RFTN1: variants seen among roughly 807,000 people sequenced by gnomAD.
RFTN1 encodes the protein raftlin.
In RFTN1, 26 loss-of-function variants were observed where a neutral mutation model predicts 46.5. The observed-to-expected ratio is 0.56, with a 90% CI of 0.41 to 0.78. The LOEUF is 0.78. Ranked by LOEUF, RFTN1 falls within the 30% of genes least tolerant of loss-of-function variation. The pLI is 0.00. For synonymous variants in RFTN1, 261 were observed against 284.2 expected, an observed-to-expected ratio of 0.92 and a Z score of 0.82; for missense variants, 693 against 718.7, an observed-to-expected ratio of 0.96 and a Z score of 0.41.
chr3:16,454,735 C>A (rs904423576), intron 2 of RFTN1: 1 of 984,404 alleles, frequency 1.0e-6, no homozygotes, highest in African/African-American at 1.7e-5. Flanking sequence ...AACCTATACA[C>A]CAAGGCCTCC....
Position 16,321,552 on chromosome 3 carries a change from G to A in RFTN1, c.1332+1824C>T, listed in dbSNP as rs939330506. Reference sequence around the variant, plus strand: ...CTGAGGAGTGAGGAGGGGACACCCAGTGCAGAAGATTCTTCCAAGGAGTCT... The same window carrying A: ...CTGAGGAGTGAGGAGGGGACACCCAATGCAGAAGATTCTTCCAAGGAGTCT... On this transcript the variant is annotated intron_variant, in intron 9 of 9. Transcript: ENST00000334133. This position sits in a 1 kb window ranked among gnomAD's most constrained non-coding sequence, Gnocchi z 4.8. Among the ~76,000 whole-genome samples the A allele has an allele frequency of 6.6e-6, 1 of 152,184 alleles. No homozygotes were observed. Among genetic ancestry groups the A allele is most frequent in the African/African-American group, 2.4e-5 (1 of 41,418 alleles).
At chr3:16,390,416 G>A (rs936441799) in intron 4 of RFTN1, among the ~76,000 whole-genome samples, 2 of 152,182 alleles carry the variant, frequency 1.3e-5, no homozygotes, top group African/African-American at 4.8e-5. Flanking sequence ...AGAGCAATTT[G>A]TAACTAGCCT....
rs373413867 is a variant in RFTN1 at position 16,357,938 on chromosome 3, G to C, written c.1140C>G (p.Val380=). ...CTGCCAACCCCACACTTACTTCCAG[G>C]ACTGTCCATTGTTCAACCACAATAG... ...YDAIVVEQWT[V]LEGVEVQTDY... is the part of the protein sequence containing the mutation. The change falls in exon 7 of 10, where the codon GTC becomes GTG. Residue 380 remains valine, a synonymous_variant. Transcript: ENST00000334133. The C allele has an allele frequency of 3.6e-5, 57 of 1,605,214 alleles. No individual in the cohort carries two copies. The highest frequency in any genetic ancestry group is 4.8e-5 in the Non-Finnish European group (56 of 1,172,198).
At chr3:16,462,531 G>C (rs1320411913) in intron 2 of RFTN1, among the ~76,000 whole-genome samples, 2 of 152,204 alleles carry the variant, frequency 1.3e-5, no homozygotes, top group Non-Finnish European at 2.9e-5. Flanking sequence ...ACACAGGAGA[G>C]GACATAGGTA....
chr3:16,411,640 G>A (rs1026282665), intron 3 of RFTN1, among the ~76,000 whole-genome samples: 10 of 152,298 alleles, frequency 6.6e-5, no homozygotes, highest in African/African-American at 2.2e-4. Flanking sequence ...GACATATTAA[G>A]AGGAACTAAG....
At position 16,457,901 on chromosome 3, in the gene RFTN1, T is replaced by A. The variant is rs1291743810; in HGVS notation, c.146-23864A>T. ...CTCAGCCCTTATGAGTGGATTAATA[T>A]CATTATAAAAGGGTTTCACAGACAG... On this transcript the variant is annotated intron_variant, in intron 2 of 9. Coordinates refer to ENST00000334133, the MANE Select transcript of RFTN1 (RefSeq NM_015150.2). The surrounding 1 kb of genome is among the most constrained non-coding windows in gnomAD (Gnocchi z 4.2). Among the ~76,000 whole-genome samples the A allele has an allele frequency of 1.3e-5, 2 of 152,098 alleles. No homozygotes were observed. Among genetic ancestry groups the A allele is most frequent in the Non-Finnish European group, 2.9e-5 (2 of 68,018 alleles).
chr3:16,454,862 T>G, intron 2 of RFTN1: 1 of 770,620 alleles, frequency 1.3e-6, no homozygotes, highest in Non-Finnish European at 1.6e-6. Flanking sequence ...GCTTTTTGCC[T>G]AGTCCATAAC....
rs545113037 is a variant in RFTN1 at position 16,387,266 on chromosome 3, G to T, written c.442-9164C>A. ...TCTCCCGCCAAGGCTGAGGCCACAC[G>T]GCCACCCTGCAGTGGCTCCCTTCCT... On this transcript the variant is annotated intron_variant, in intron 4 of 9. Coordinates refer to ENST00000334133, the MANE Select transcript of RFTN1 (RefSeq NM_015150.2). This position sits in a 1 kb window ranked among gnomAD's most constrained non-coding sequence, Gnocchi z 5.2. Among the ~76,000 whole-genome samples the T allele has an allele frequency of 6.6e-6, 1 of 152,304 alleles. No individual in the cohort carries two copies. Among genetic ancestry groups the T allele is most frequent in the South Asian group, 2.1e-4 (1 of 4,824 alleles).
At position 16,400,191 on chromosome 3, in the gene RFTN1, A is replaced by T. The variant is rs1442595122; in HGVS notation, c.441+9184T>A. ...CCGACTCACTCTCCAGCCTCACTCC[A>T]CCTCACTCACCCCTCTGTCATTTGC... On this transcript the variant is annotated intron_variant, in intron 4 of 9. Transcript: ENST00000334133. This position sits in a 1 kb window ranked among gnomAD's most constrained non-coding sequence, Gnocchi z 4.5. Among the ~76,000 whole-genome samples, 2 of 151,684 alleles carry T rather than the reference A, an allele frequency of 1.3e-5. No homozygotes were observed. The highest frequency in any genetic ancestry group is 4.8e-5 in the African/African-American group (2 of 41,260).
At chr3:16,482,698 A>C (rs1340301929) in intron 2 of RFTN1, 1 of 1,350,050 alleles carries the variant, frequency 7.4e-7, no homozygotes, top group Admixed American at 2.0e-5. Context: ...TGCATGCCAC[A>C]TTAGCTGTTA....
At chr3:16,386,334 G>A (rs1040198692) in intron 4 of RFTN1, among the ~76,000 whole-genome samples, 1 of 152,220 alleles carries the variant, frequency 6.6e-6, no homozygotes, top group African/African-American at 2.4e-5. Context: ...AGAGCTTACT[G>A]TATGCCCAAC....
intron 2 of RFTN1, among the ~76,000 whole-genome samples, chr3:16,441,521 A>G (rs1006374476): frequency 2.0e-5 from 3 of 152,174 alleles, no homozygotes; most frequent in Non-Finnish European, 4.4e-5. Context: ...TGCTATTTCA[A>G]ACTTGATTAT....
intron 2 of RFTN1, chr3:16,472,086 C>T (rs2124950377): frequency 6.6e-6 from 1 of 151,928 alleles, no homozygotes; most frequent in African/African-American, 2.4e-5. Context: ...TTCCCATTTC[C>T]CTAACAGCTG....
rs1277142663 is a variant in RFTN1 at position 16,457,893 on chromosome 3, G to A, written c.146-23856C>T. 6.6e-6 allele frequency among the ~76,000 whole-genome samples: 1 copy of A among 152,124 alleles called. No homozygotes were observed. The highest frequency in any genetic ancestry group is 3.2e-3 in the Middle Eastern group (1 of 316). ...CATGAGGGCTCAGCCCTTATGAGTG[G>A]ATTAATATCATTATAAAAGGGTTTC... On this transcript the variant is annotated intron_variant, in intron 2 of 9. Coordinates refer to ENST00000334133, the MANE Select transcript of RFTN1 (RefSeq NM_015150.2). The surrounding 1 kb of genome is among the most constrained non-coding windows in gnomAD (Gnocchi z 4.2).
At position 16,317,960 on chromosome 3, in the gene RFTN1, C is replaced by T. The variant is rs372695448; in HGVS notation, c.1333-728G>A. ...TCACAGCCCAAATTCTCCCTCTGCC[C>T]GCTACTGTACCGACAAGTGTTCTAA... On this transcript the variant is annotated intron_variant, in intron 9 of 9. Coordinates refer to ENST00000334133, the MANE Select transcript of RFTN1 (RefSeq NM_015150.2). This position sits in a 1 kb window ranked among gnomAD's most constrained non-coding sequence, Gnocchi z 4.3. Among the ~76,000 whole-genome samples, 9 of 152,182 alleles carry T rather than the reference C, an allele frequency of 5.9e-5. No homozygotes were observed. The South Asian group carries it at 1.4e-3, about 24-fold the overall frequency.
chr3:16,488,319 G>A (rs566607700), intron 2 of RFTN1, among the ~76,000 whole-genome samples: 4 of 152,180 alleles, frequency 2.6e-5, no homozygotes, highest in East Asian at 1.9e-4. Flanking sequence ...GGCTGGTCTC[G>A]AACTCCTGAC....
At chr3:16,482,667 A>G (rs2124972808) in intron 2 of RFTN1, 1 of 1,143,366 alleles carries the variant, frequency 8.7e-7, no homozygotes, top group South Asian at 1.3e-5. Context: ...CTCTATAAGG[A>G]TTAATTGACA....
chr3:16,322,195 G>T lies in RFTN1; in HGVS notation c.1332+1181C>A, dbSNP rs1262568527. Among the ~76,000 whole-genome samples, 1 of 152,200 alleles carries T rather than the reference G, an allele frequency of 6.6e-6. No individual in the cohort carries two copies. Among genetic ancestry groups the T allele is most frequent in the Non-Finnish European group, 1.5e-5 (1 of 68,048 alleles). On this transcript the variant is annotated intron_variant, in intron 9 of 9. Transcript: ENST00000334133. This position sits in a 1 kb window ranked among gnomAD's most constrained non-coding sequence, Gnocchi z 6.2. ...GCTCCTGGTGGTTGATGGTGGGCTGGCAGTTCCCTTCTGGTCCATTGTGCC... is the reference window on the plus strand; with the variant it reads ...GCTCCTGGTGGTTGATGGTGGGCTGTCAGTTCCCTTCTGGTCCATTGTGCC...
In RFTN1 at chr3:16,480,364, ATG is replaced by A. The variant is rs1383293749; in HGVS notation, c.145+13359_145+13360del. Among the ~76,000 whole-genome samples, 1 of 152,228 alleles carries A rather than the reference ATG, an allele frequency of 6.6e-6. No individual in the cohort carries two copies. Among genetic ancestry groups the A allele is most frequent in the Non-Finnish European group, 1.5e-5 (1 of 68,042 alleles). Reference sequence around the variant, plus strand: ...AGGGCCCAATGAGGCTGTCAAACTAATGTGTACTCCTCCTGATAAATCATGTG... The same window carrying A: ...AGGGCCCAATGAGGCTGTCAAACTAATGTACTCCTCCTGATAAATCATGTG... On this transcript the variant is annotated intron_variant, in intron 2 of 9. Coordinates refer to ENST00000334133, the MANE Select transcript of RFTN1 (RefSeq NM_015150.2). The surrounding 1 kb of genome is among the most constrained non-coding windows in gnomAD (Gnocchi z 4.3).
Sources: gnomAD v4.1 joint callset for allele counts (sites outside exome capture counted in the v4.1 genomes callset) on GRCh38, gnomAD v4.1.1 for gene constraint, Gnocchi (gnomAD v3.1) non-coding constraint, MANE v1.5 for transcripts, NCBI Gene and HGNC (gene_info 2026-07-23, HGNC 2026-07-21) for gene names.